The following HMCN2 variants were observed in gnomAD, a reference collection of about 807,000 sequenced individuals.
HMCN2 encodes the protein hemicentin-2.
A neutral mutation model predicts 377.5 loss-of-function variants in HMCN2; 325 were observed. The observed-to-expected ratio is 0.86, with a 90% CI of 0.79 to 0.94. HMCN2 has a LOEUF of 0.94. Among genes scored for constraint, HMCN2 ranks in the 40% least tolerant of loss-of-function variants. HMCN2 has a pLI of 0.00. For missense variants in HMCN2, 4,543 were observed against 4,725.3 expected, an observed-to-expected ratio of 0.96 and a Z score of 1.13; for synonymous variants, 2,007 against 2,046.8, an observed-to-expected ratio of 0.98 and a Z score of 0.53.
At chr9:130,343,203 T>G (rs2131485389) in intron 25 of HMCN2, among the ~76,000 whole-genome samples, 1 of 152,046 alleles carries the variant, frequency 6.6e-6, no homozygotes, top group Non-Finnish European at 1.5e-5. Context: ...CGCCACTGCC[T>G]CAGTTGCTTC....
At position 130,377,670 on chromosome 9, in the gene HMCN2, C is replaced by A. The variant is rs969369219; in HGVS notation, c.8083C>A (p.Leu2695Met). ...DGQPVTPSSR[L>M]QVLGEGRLLQ... ...ACAGCCCGTGACCCCCAGCTCGCGGCTGCAGGTCCTGGGTGAAGGGCGACT... is the reference window on the plus strand; with the variant it reads ...ACAGCCCGTGACCCCCAGCTCGCGGATGCAGGTCCTGGGTGAAGGGCGACT... Residue 2695 changes from leucine (L) to methionine (M), a missense_variant, in exon 53 of 98, where the codon CTG becomes ATG. Around this residue, in one of 5 missense-constraint regions of HMCN2, gnomAD observed 736 missense variants for 773.2 expected, o/e 0.95. Coordinates refer to ENST00000683500, the MANE Select transcript of HMCN2 (RefSeq NM_001291815.2). 9 of 985,858 alleles carry A rather than the reference C, an allele frequency of 9.1e-6. No homozygotes were observed. Among genetic ancestry groups the A allele is most frequent in the Non-Finnish European group, 9.6e-6 (8 of 829,992 alleles). The allele number at this position is 985,858 out of a possible 1,614,324, so 61.1% of individuals were successfully genotyped here. A position where few individuals can be genotyped will look rare whatever the true frequency, so the allele number is the denominator to read the frequency against.
In HMCN2 at chr9:130,397,439, G is replaced by C. The variant is rs369479253; in HGVS notation, c.11199-89G>C. The C allele has an allele frequency of 7.8e-5, 92 of 1,180,902 alleles. No homozygotes were observed. In the East Asian group the frequency reaches 3.5e-3, roughly 45 times the overall value. The allele number at this position is 1,180,902 out of a possible 1,614,324, so 73.2% of individuals were successfully genotyped here. A position where few individuals can be genotyped will look rare whatever the true frequency, so the allele number is the denominator to read the frequency against. ...ATCAGCATCCTCTCACTGGGAAAGTGGGGGCAGAGGGAAGGGTCTTGCTAG... is the reference window on the plus strand; with the variant it reads ...ATCAGCATCCTCTCACTGGGAAAGTCGGGGCAGAGGGAAGGGTCTTGCTAG... On this transcript the variant is annotated intron_variant, in intron 73 of 97. Transcript: ENST00000683500.
chr9:130,284,100 A>G lies in HMCN2; in HGVS notation c.260-503A>G, dbSNP rs555258010. ...AGTGCAGTCAATCTTTGTCATTTTT[A>G]TTGCTGTTCTTTTTAAAATGAGCTC... On this transcript the variant is annotated intron_variant, in intron 1 of 97. Transcript: ENST00000683500. 8.5e-5 allele frequency among the ~76,000 whole-genome samples: 13 copies of G among 152,126 alleles called. No homozygotes were observed. The South Asian group carries it at 2.5e-3, about 29-fold the overall frequency.
intron 93 of HMCN2, chr9:130,429,126 C>T: frequency 5.3e-6 from 1 of 189,504 alleles, no homozygotes; most frequent in Non-Finnish European, 1.1e-5. Flanking sequence ...GCTCTCCTGC[C>T]TGCCGCCCTT....
intron 1 of HMCN2, among the ~76,000 whole-genome samples, chr9:130,270,171 G>T (rs1262592483): frequency 1.4e-5 from 2 of 146,146 alleles, no homozygotes; most frequent in Non-Finnish European, 3.1e-5. Flanking sequence ...TTGTCTTTTA[G>T]TATTTGTAAT....
chr9:130,308,792 A>G lies in HMCN2; in HGVS notation c.2201-1120A>G, dbSNP rs370703645. Reference sequence around the variant, plus strand: ...GGAAGGAGATTCTGACACGTGCTACATGGATGTCCTGCTAGGTGGACGCTA... The same window carrying G: ...GGAAGGAGATTCTGACACGTGCTACGTGGATGTCCTGCTAGGTGGACGCTA... On this transcript the variant is annotated intron_variant, in intron 14 of 97. Transcript: ENST00000683500. The surrounding 1 kb of genome is among the most constrained non-coding windows in gnomAD (Gnocchi z 4.1). Among the ~76,000 whole-genome samples, 15 of 152,356 alleles carry G rather than the reference A, an allele frequency of 9.8e-5. No homozygotes were observed. In the East Asian group the frequency reaches 2.3e-3, roughly 24 times the overall value.
chr9:130,340,225 G>A (rs982843270), intron 23 of HMCN2, among the ~76,000 whole-genome samples: 68 of 152,376 alleles, frequency 4.5e-4, no homozygotes, highest in African/African-American at 1.5e-3. Flanking sequence ...AGGGAAGGAC[G>A]GGGCAGCGGT....
chr9:130,414,025 G>C lies in HMCN2; in HGVS notation c.12961+3373G>C, dbSNP rs1172022853. ...AAAAAAAAAAATAGCTGGGCATGGTGGCGCACACCTGTAATCCCAGCTACT... is the reference window on the plus strand; with the variant it reads ...AAAAAAAAAAATAGCTGGGCATGGTCGCGCACACCTGTAATCCCAGCTACT... On this transcript the variant is annotated intron_variant, in intron 85 of 97. Transcript: ENST00000683500. The surrounding 1 kb of genome is among the most constrained non-coding windows in gnomAD (Gnocchi z 4.4). 2.0e-5 allele frequency among the ~76,000 whole-genome samples: 3 copies of C among 150,142 alleles called. No individual in the cohort carries two copies. The highest frequency in any genetic ancestry group is 3.0e-5 in the Non-Finnish European group (2 of 67,776).
chr9:130,347,984 C>T lies in HMCN2; in HGVS notation c.4025-561C>T, dbSNP rs910665850. The T allele has an allele frequency of 1.0e-6, 1 of 985,246 alleles. No individual in the cohort carries two copies. The allele number at this position is 985,246 out of a possible 1,614,324, so 61.0% of individuals were successfully genotyped here. ...TGTCCTCAGCAGGGAGAGCGCCCAC[C>T]CCCACATCCAGGGTGCTATGTGCAG... On this transcript the variant is annotated intron_variant, in intron 26 of 97. Transcript: ENST00000683500. This position sits in a 1 kb window ranked among gnomAD's most constrained non-coding sequence, Gnocchi z 5.1.
chr9:130,355,307 C>T (rs865916965), intron 32 of HMCN2, among the ~76,000 whole-genome samples: 4 of 152,172 alleles, frequency 2.6e-5, no homozygotes, highest in Non-Finnish European at 5.9e-5. Flanking sequence ...GGACAGAGGA[C>T]CTCGTTCTGC....
chr9:130,267,891 G>A (rs1228743684), intron 1 of HMCN2, among the ~76,000 whole-genome samples: 3 of 152,182 alleles, frequency 2.0e-5, no homozygotes, highest in African/African-American at 4.8e-5. Context: ...GTCACCCTCC[G>A]TCTCCCCAGC....
intron 15 of HMCN2, 29 bp downstream of exon 15, chr9:130,310,090 C>T (rs782104539): frequency 6.0e-6 from 3 of 498,516 alleles, no homozygotes; most frequent in Non-Finnish European, 1.3e-5. Flanking sequence ...TCCCCCTCCC[C>T]TGCCCATTCC....
At chr9:130,429,277 C>T (rs899324713) in intron 93 of HMCN2, 6 of 472,346 alleles carry the variant, frequency 1.3e-5, no homozygotes, top group Middle Eastern at 1.1e-3. Context: ...AGGGAGAGTT[C>T]CTTGCCCAAG....
At chr9:130,364,475 CA>C (rs1351016733) in intron 40 of HMCN2, among the ~76,000 whole-genome samples, 2 of 152,232 alleles carry the variant, frequency 1.3e-5, no homozygotes, top group Non-Finnish European at 2.9e-5. Flanking sequence ...AGAAATAACA[CA>C]GGGGGACCCT....
chr9:130,282,546 G>A (rs1016359822), intron 1 of HMCN2, among the ~76,000 whole-genome samples: 7 of 152,202 alleles, frequency 4.6e-5, no homozygotes, highest in African/African-American at 9.6e-5. Flanking sequence ...GATGGCCAGG[G>A]CAGGCGAGGG....
At chr9:130,403,107 C>T in intron 78 of HMCN2, 87 bp from the exon 79 acceptor site, 1 of 1,191,094 alleles carries the variant, frequency 8.4e-7, no homozygotes, top group Non-Finnish European at 1.1e-6. Flanking sequence ...CCTTAGAGGC[C>T]TCTCTCTCTG....
In HMCN2 at chr9:130,425,071, G is replaced by T. The variant is rs776628785; in HGVS notation, c.13582G>T (p.Asp4528Tyr). Residue 4528 changes from aspartate to tyrosine, a missense_variant, in exon 89 of 98, where the codon GAC (aspartate) becomes TAC (tyrosine). Coordinates refer to ENST00000683500, the MANE Select transcript of HMCN2 (RefSeq NM_001291815.2). ...GGATCCCGATGGCCTCCTGCTCCTCGACGTGGTGGTCAATGGCGTTGTCCC... is the reference window on the plus strand; with the variant it reads ...GGATCCCGATGGCCTCCTGCTCCTCTACGTGGTGGTCAATGGCGTTGTCCC... ...GLDPDGLLLL[D>Y]VVVNGVVPES... The T allele has an allele frequency of 1.3e-6, 2 of 1,550,060 alleles. No individual in the cohort carries two copies. The highest frequency in any genetic ancestry group is 4.9e-5 in the East Asian group (2 of 40,898).
intron 60 of HMCN2, among the ~76,000 whole-genome samples, chr9:130,386,018 T>C (rs1185899919): frequency 6.6e-6 from 1 of 152,150 alleles, no homozygotes; most frequent in East Asian, 1.9e-4. Context: ...AGCATCTAGA[T>C]GCTTTTATCT....
At chr9:130,427,656 C>T (rs1038477863) in intron 92 of HMCN2, 37 bp downstream of exon 92, 34 of 1,535,832 alleles carry the variant, frequency 2.2e-5, no homozygotes, top group Non-Finnish European at 2.6e-5. Context: ...GAGACGCGCT[C>T]CTCAGACCTG....
Sources: allele counts gnomAD v4.1 joint callset (sites outside exome capture counted in the v4.1 genomes callset), GRCh38; gene constraint gnomAD v4.1.1; regional missense constraint gnomAD v4.1.1; non-coding constraint Gnocchi (gnomAD v3.1); transcripts MANE v1.5; gene names NCBI Gene and HGNC (gene_info 2026-07-23, HGNC 2026-07-21).